Variants in GRIN2A observed in about 807,000 individuals in gnomAD.
GRIN2A encodes glutamate receptor ionotropic, NMDA 2A.
GRIN2A carries 22 observed loss-of-function variants against 113.4 expected under a neutral mutation model. That is an observed-to-expected ratio of 0.19 (90% CI 0.14 to 0.28). GRIN2A has a LOEUF of 0.28. Ranked by LOEUF, GRIN2A falls within the 10% of genes least tolerant of loss-of-function variation. The pLI is 1.00. For synonymous variants in GRIN2A, 827 were observed against 738.4 expected, an observed-to-expected ratio of 1.12 and a Z score of -1.94; for missense variants, 1,502 against 1,887.0, an observed-to-expected ratio of 0.80 and a Z score of 3.78.
intron 2 of GRIN2A, among the ~76,000 whole-genome samples, chr16:10,059,370 G>A (rs1277136412): frequency 1.4e-5 from 2 of 147,816 alleles, no homozygotes; most frequent in Non-Finnish European, 2.9e-5. Context: ...AGAGGCCATT[G>A]CATTCATCCA....
chr16:9,945,314 G>A (rs893392152), intron 2 of GRIN2A, among the ~76,000 whole-genome samples: 3 of 152,064 alleles, frequency 2.0e-5, no homozygotes, highest in African/African-American at 7.2e-5. Flanking sequence ...AGTCATCCAG[G>A]CAAAGATTAG....
intron 4 of GRIN2A, among the ~76,000 whole-genome samples, chr16:9,870,382 A>G (rs1321439033): frequency 6.6e-6 from 1 of 151,326 alleles, no homozygotes; most frequent in Non-Finnish European, 1.5e-5. Context: ...AAAGAAATAG[A>G]AAAAAAAAGA....
chr16:9,812,459 C>T (rs148078899), intron 10 of GRIN2A, among the ~76,000 whole-genome samples: 3,959 of 151,992 alleles, frequency 0.026, 193 homozygotes, highest in African/African-American at 0.091. Context: ...GCCAACATGG[C>T]GAAACCCCGT....
rs75549321 is a variant in GRIN2A, at chr16:9,982,290, T to C, written c.415-43739A>G. 2.0e-4 allele frequency among the ~76,000 whole-genome samples: 31 copies of C among 152,354 alleles called. No individual in the cohort carries two copies. The East Asian group carries it at 5.8e-3, about 28-fold the overall frequency. Reference sequence around the variant, plus strand: ...ATCTCACTTATTTTGCCAGGAATACTTCATAAGTGATGTGTGTACTTTCTT... The same window carrying C: ...ATCTCACTTATTTTGCCAGGAATACCTCATAAGTGATGTGTGTACTTTCTT... On this transcript the variant is annotated intron_variant, in intron 2 of 12. Transcript: ENST00000330684.
chr16:10,174,933 A>C (rs1016366140), intron 2 of GRIN2A, among the ~76,000 whole-genome samples: 9 of 152,148 alleles, frequency 5.9e-5, no homozygotes, highest in Non-Finnish European at 1.3e-4. Context: ...GGTTTAGGTC[A>C]ACAATGGACC....
At chr16:9,821,260 C>T (rs535512874) in intron 10 of GRIN2A, among the ~76,000 whole-genome samples, 2 of 152,302 alleles carry the variant, frequency 1.3e-5, no homozygotes, top group East Asian at 3.9e-4. Flanking sequence ...CCTCATTAAA[C>T]AACTCTGTCA....
chr16:9,856,561 C>G (rs1196651690), intron 4 of GRIN2A, among the ~76,000 whole-genome samples: 4 of 147,138 alleles, frequency 2.7e-5, no homozygotes, highest in African/African-American at 1.0e-4. Context: ...GGAGGCCGAG[C>G]TTGCAGTGAG....
intron 2 of GRIN2A, among the ~76,000 whole-genome samples, chr16:10,108,559 C>T: frequency 6.6e-6 from 1 of 152,202 alleles, no homozygotes; most frequent in Admixed American, 6.5e-5. Flanking sequence ...TGCCATGTTG[C>T]ACAACCCTCA....
At chr16:10,125,063 CTCT>C (rs2048908102) in intron 2 of GRIN2A, among the ~76,000 whole-genome samples, 1 of 152,148 alleles carries the variant, frequency 6.6e-6, no homozygotes, top group Non-Finnish European at 1.5e-5. Context: ...CATGCAGGGT[CTCT>C]TCATAGGCCA....
At chr16:9,791,886 C>T (rs1902626646) in intron 11 of GRIN2A, among the ~76,000 whole-genome samples, 1 of 152,074 alleles carries the variant, frequency 6.6e-6, no homozygotes, top group African/African-American at 2.4e-5. Flanking sequence ...TCCCCCACTC[C>T]AAGATCTGTG....
intron 7 of GRIN2A, among the ~76,000 whole-genome samples, 169 bp from the exon 8 acceptor site, chr16:9,834,399 A>G (rs2042551298): frequency 6.6e-6 from 1 of 151,964 alleles, no homozygotes. Context: ...TATTTTTTAG[A>G]TGTAGCTTCA....
intron 2 of GRIN2A, among the ~76,000 whole-genome samples, chr16:10,023,657 C>G: frequency 6.6e-6 from 1 of 152,130 alleles, no homozygotes; most frequent in East Asian, 1.9e-4. Flanking sequence ...GTTCAATAAC[C>G]TCTTGTGAGA....
At chr16:9,855,265 AC>A (rs997079593) in intron 4 of GRIN2A, among the ~76,000 whole-genome samples, 2 of 152,162 alleles carry the variant, frequency 1.3e-5, no homozygotes, top group African/African-American at 4.8e-5. Flanking sequence ...TCACTCAATC[AC>A]CAAATAAAAA....
At chr16:9,888,656 T>C (rs1039858106) in intron 4 of GRIN2A, among the ~76,000 whole-genome samples, 1 of 151,956 alleles carries the variant, frequency 6.6e-6, no homozygotes, top group Non-Finnish European at 1.5e-5. Flanking sequence ...TTATGCACCG[T>C]AGTCTAACTT....
intron 2 of GRIN2A, among the ~76,000 whole-genome samples, chr16:10,080,604 T>A (rs1219999553): frequency 6.6e-6 from 1 of 152,202 alleles, no homozygotes; most frequent in African/African-American, 2.4e-5. Flanking sequence ...GAAGGCTTGA[T>A]GGATTTCTCC....
chr16:10,093,073 A>G (rs1014963058), intron 2 of GRIN2A, among the ~76,000 whole-genome samples: 21 of 152,216 alleles, frequency 1.4e-4, no homozygotes, highest in Non-Finnish European at 3.1e-4. Flanking sequence ...CTCCTGGCTC[A>G]AGTGATCCAC....
At chr16:9,877,875 C>CA (rs935699480) in intron 4 of GRIN2A, among the ~76,000 whole-genome samples, 1 of 142,248 alleles carries the variant, frequency 7.0e-6, no homozygotes, top group Non-Finnish European at 1.5e-5. Flanking sequence ...TCCCTCTCCC[C>CA]CAACTCTCTC....
chr16:9,945,274 T>A (rs1036045534), intron 2 of GRIN2A, among the ~76,000 whole-genome samples: 1 of 152,044 alleles, frequency 6.6e-6, no homozygotes, highest in Admixed American at 6.6e-5. Flanking sequence ...ATCTGCTACA[T>A]TGGAGCTGAT....
chr16:10,063,072 C>A (rs8043864), intron 2 of GRIN2A, among the ~76,000 whole-genome samples: 21,203 of 152,014 alleles, frequency 0.14, 2,049 homozygotes, highest in African/African-American at 0.27. Context: ...TGTTATTTGC[C>A]GCAACATGGA....
Sources: allele counts gnomAD v4.1 joint callset (sites outside exome capture counted in the v4.1 genomes callset), GRCh38; gene constraint gnomAD v4.1.1; transcripts MANE v1.5; gene names NCBI Gene and HGNC (gene_info 2026-07-23, HGNC 2026-07-21).